The following MRE11 variants were observed in gnomAD, a reference collection of about 807,000 sequenced individuals.
The protein encoded by MRE11 is double-strand break repair protein MRE11.
A neutral mutation model predicts 91.7 loss-of-function variants in MRE11; 62 were observed. The observed-to-expected ratio is 0.68, with a 90% confidence interval of 0.55 to 0.84. The LOEUF is 0.84. MRE11 is among the 40% of genes least tolerant of loss of function. The pLI, the probability that MRE11 is intolerant of heterozygous loss-of-function variation, is 0.00. For synonymous variants in MRE11, 273 were observed against 271.4 expected (o/e 1.01, Z -0.06); for missense variants, 796 against 852.9 (o/e 0.93, Z 0.83).
At chr11:94,423,113 G>A (rs1382959978) in intron 19 of MRE11, among the ~76,000 whole-genome samples, 3 of 152,154 alleles carry the variant, frequency 2.0e-5, no homozygotes, top group Non-Finnish European at 2.9e-5. Flanking sequence ...CCAAAATATC[G>A]AGTAAGCCAA....
chr11:94,485,220 C>CTCCA (rs1357519976), intron 4 of MRE11, among the ~76,000 whole-genome samples: 1 of 151,638 alleles, frequency 6.6e-6, no homozygotes, highest in Non-Finnish European at 1.5e-5. Flanking sequence ...TGCCACTGTA[C>CTCCA]TCCAGCCTGG....
chr11:94,470,793 T>G (rs1591693430), intron 8 of MRE11, 151 bp from the exon 9 acceptor site: 1 of 868,206 alleles, frequency 1.2e-6, no homozygotes, highest in African/African-American at 1.7e-5. Context: ...TTAACCTTAA[T>G]GTTATCATCA....
chr11:94,459,607 A>AT, intron 12 of MRE11, 26 bp from the exon 13 acceptor site: 1 of 1,608,994 alleles, frequency 6.2e-7, no homozygotes, highest in East Asian at 2.2e-5. Flanking sequence ...CACTGGATGC[A>AT]GAAATAGTTT....
rs1945046605 is a variant in MRE11, at chr11:94,417,050, C to T, written c.*3075G>A. On this transcript the variant is annotated 3_prime_UTR_variant, in exon 20 of 20. Transcript: ENST00000323929. The stretch of plus-strand genomic sequence containing the variant: ...GCAGTGCAATGGCACAATCTCGGCT[C>T]ACTGCAACCTCTGCCTCCTGGGTTC... 1 of 152,710 alleles carries T rather than the reference C, an allele frequency of 6.5e-6. No homozygotes were observed. The highest frequency in any genetic ancestry group is 2.1e-4 in the South Asian group (1 of 4,790). The allele number at this position is 152,710 out of a possible 1,614,324, so 9.5% of individuals were successfully genotyped here.
chr11:94,416,715 A>C lies in MRE11; in HGVS notation c.*3410T>G, dbSNP rs1945037455. ...AAAAAAAAAAAAAAAAAAATTAGCC[A>C]GGCGTGGTGGTGGGCGCCTGTAGTC... is the stretch of plus-strand genomic sequence containing the variant. On this transcript the variant is annotated 3_prime_UTR_variant, in exon 20 of 20. Coordinates refer to ENST00000323929, the MANE Select transcript of MRE11 (RefSeq NM_005591.4). 1.3e-5 allele frequency: 2 copies of C among 148,426 alleles called. No homozygotes were observed. Among genetic ancestry groups the C allele is most frequent in the Non-Finnish European group, 3.0e-5 (2 of 67,170 alleles). 9.2% of individuals were successfully genotyped at this position (148,426 alleles called of 1,614,324 possible). A position where few individuals can be genotyped will look rare whatever the true frequency, so the allele number is the denominator to read the frequency against.
chr11:94,440,201 C>T (rs891790665), intron 16 of MRE11, among the ~76,000 whole-genome samples: 1 of 152,126 alleles, frequency 6.6e-6, no homozygotes, highest in Admixed American at 6.5e-5. Context: ...ATTTACATAG[C>T]CTCTTTTCAT....
At chr11:94,491,045 A>G (rs1337902905) in intron 2 of MRE11, 80 bp from the exon 3 acceptor site, 1 of 893,244 alleles carries the variant, frequency 1.1e-6, no homozygotes, top group African/African-American at 1.7e-5. Flanking sequence ...CAAACTTATA[A>G]AATAAATAAT....
At chr11:94,462,903 T>C (rs1946458507) in intron 11 of MRE11, among the ~76,000 whole-genome samples, 1 of 151,952 alleles carries the variant, frequency 6.6e-6, no homozygotes. Context: ...CCAAAAGCAA[T>C]GACAACAAAA....
chr11:94,493,459 T>G (rs1156593315), intron 1 of MRE11, among the ~76,000 whole-genome samples: 1 of 151,604 alleles, frequency 6.6e-6, no homozygotes, highest in African/African-American at 2.4e-5. Context: ...TGGGGAAGAG[T>G]GGCTGCCACC....
At chr11:94,434,851 G>A (rs1440089924) in intron 18 of MRE11, among the ~76,000 whole-genome samples, 1 of 152,068 alleles carries the variant, frequency 6.6e-6, no homozygotes, top group African/African-American at 2.4e-5. Flanking sequence ...TGAAGGCAGA[G>A]GCCATATTAA....
intron 3 of MRE11, among the ~76,000 whole-genome samples, chr11:94,488,814 GAGGATC>G (rs1947209043): frequency 6.6e-6 from 1 of 152,156 alleles, no homozygotes; most frequent in African/African-American, 2.4e-5. Context: ...GGAGGAGGGA[GAGGATC>G]AGGAAAAATA....
intron 8 of MRE11, 22 bp downstream of exon 8, chr11:94,471,552 G>T: frequency 6.2e-7 from 1 of 1,609,098 alleles, no homozygotes; most frequent in Non-Finnish European, 8.5e-7. Context: ...TTAAAAATTG[G>T]CTCAAAATAT....
rs1370919727 is a variant in MRE11, at chr11:94,418,932, T to C, written c.*1193A>G. ...CACATTCCAGGTATGACTATTCTAA[T>C]GGTCATGAGTATCACTGAGTCAAGT... On this transcript the variant is annotated 3_prime_UTR_variant, in exon 20 of 20. Coordinates refer to ENST00000323929, the MANE Select transcript of MRE11 (RefSeq NM_005591.4). 1.3e-5 allele frequency: 3 copies of C among 231,110 alleles called. No individual in the cohort carries two copies. Among genetic ancestry groups the C allele is most frequent in the East Asian group, 1.2e-4 (2 of 16,200 alleles). 14.3% of individuals were successfully genotyped at this position (231,110 alleles called of 1,614,324 possible).
At chr11:94,469,838 C>T (rs528666955) in intron 9 of MRE11, among the ~76,000 whole-genome samples, 117 of 152,186 alleles carry the variant, frequency 7.7e-4, no homozygotes, top group African/African-American at 2.6e-3. Flanking sequence ...CATAGTAGGA[C>T]AGCTGACACA....
intron 10 of MRE11, among the ~76,000 whole-genome samples, chr11:94,465,520 C>T (rs1470687411): frequency 6.6e-6 from 1 of 151,802 alleles, no homozygotes; most frequent in Non-Finnish European, 1.5e-5. Context: ...TTCAGCCTCC[C>T]AAGTAGTTGG....
intron 1 of MRE11, 27 bp from the exon 2 acceptor site, chr11:94,492,933 A>G: frequency 1.2e-6 from 1 of 830,806 alleles, no homozygotes. Flanking sequence ...ATCATAAAAC[A>G]CATTTTTTAA....
In MRE11 at chr11:94,490,930, G is replaced by C. The variant is rs1162254673; in HGVS notation, c.56C>G (p.Thr19Arg). The C allele has an allele frequency of 1.3e-6, 2 of 1,537,546 alleles. No individual in the cohort carries two copies. Among genetic ancestry groups the C allele is most frequent in the Non-Finnish European group, 1.8e-6 (2 of 1,111,224 alleles). ...DENTFKILVATDIHLGFMEKD... is the reference protein window; with the variant it reads ...DENTFKILVARDIHLGFMEKD... ...CTCCATAAATCCAAGATGAATATCT[G>C]TTGCAACTAATATTTTAAATGTGTT... is the stretch of plus-strand genomic sequence containing the variant. The change falls in exon 3 of 20, where the codon ACA (threonine) becomes AGA (arginine). Residue 19 changes from threonine (T) to arginine (R), a missense_variant. Transcript: ENST00000323929.
intron 16 of MRE11, among the ~76,000 whole-genome samples, chr11:94,441,862 A>G (rs1206222647): frequency 6.6e-6 from 1 of 151,266 alleles, no homozygotes; most frequent in Non-Finnish European, 1.5e-5. Flanking sequence ...CTGTAATCCC[A>G]GCGACTCGGG....
rs13447604 is a variant in MRE11, at chr11:94,484,940, G to A, written c.314+984C>T. 5.3e-3 allele frequency among the ~76,000 whole-genome samples: 814 copies of A among 152,274 alleles called. 6 individuals carry two copies. The highest frequency in any genetic ancestry group is 9.2e-3 in the Non-Finnish European group (627 of 68,030). On this transcript the variant is annotated intron_variant, in intron 4 of 19. Transcript: ENST00000323929. ...GTTTAAGACATGATGGGCCAGAAGC[G>A]GTAGCTTGCGTCTATAATCCCAGCA...
Sources: gnomAD v4.1 joint callset for allele counts (sites outside exome capture counted in the v4.1 genomes callset) on GRCh38, gnomAD v4.1.1 for gene constraint, MANE v1.5 for transcripts, NCBI Gene and HGNC (gene_info 2026-07-23, HGNC 2026-07-21) for gene names.